Variants in SPOCK1 observed in about 807,000 individuals in gnomAD.
The protein encoded by SPOCK1 is SPARC (osteonectin), cwcv and kazal like domains proteoglycan 1.
SPOCK1 carries 23 observed loss-of-function variants against 55.3 expected under a neutral mutation model. That is an observed-to-expected ratio of 0.42 (90% CI 0.30 to 0.59). SPOCK1 has a LOEUF of 0.59. Among genes scored for constraint, SPOCK1 ranks in the 20% least tolerant of loss-of-function variants. The probability of loss-of-function intolerance (pLI) is 0.22; values close to 1 mark genes in which losing one functional copy is unlikely to be tolerated. For synonymous variants in SPOCK1, 226 were observed against 221.0 expected, an observed-to-expected ratio of 1.02 and a Z score of -0.20; for missense variants, 499 against 552.5, an observed-to-expected ratio of 0.90 and a Z score of 0.97.
chr5:137,458,003 G>A (rs1228450079), intron 2 of SPOCK1, among the ~76,000 whole-genome samples: 2 of 152,190 alleles, frequency 1.3e-5, no homozygotes, highest in African/African-American at 4.8e-5. Flanking sequence ...GGGACTTAAA[G>A]GAATGTTGAG....
At chr5:137,326,423 C>G (rs1758078444) in intron 2 of SPOCK1, among the ~76,000 whole-genome samples, 1 of 152,214 alleles carries the variant, frequency 6.6e-6, no homozygotes, top group Non-Finnish European at 1.5e-5. Flanking sequence ...GCTCCCTAGT[C>G]CAGGGGCACA....
intron 2 of SPOCK1, among the ~76,000 whole-genome samples, chr5:137,321,950 C>G (rs1407093010): frequency 6.6e-6 from 1 of 151,976 alleles, no homozygotes; most frequent in Non-Finnish European, 1.5e-5. Context: ...AAATTAAAGG[C>G]TTTCCTAGAT....
intron 2 of SPOCK1, among the ~76,000 whole-genome samples, chr5:137,442,208 T>C (rs368424938): frequency 2.6e-4 from 40 of 152,280 alleles, no homozygotes; most frequent in African/African-American, 9.4e-4. Flanking sequence ...TTTGGGTCAT[T>C]CAACCAGTTA....
chr5:137,108,354 A>T (rs977625360), intron 5 of SPOCK1, among the ~76,000 whole-genome samples: 1 of 152,232 alleles, frequency 6.6e-6, no homozygotes, highest in African/African-American at 2.4e-5. Flanking sequence ...CTTCAGATTA[A>T]GTAATATTTG....
intron 6 of SPOCK1, among the ~76,000 whole-genome samples, chr5:137,025,348 C>T (rs1751655567): frequency 6.6e-6 from 1 of 151,990 alleles, no homozygotes; most frequent in Admixed American, 6.5e-5. Flanking sequence ...TGAGATAAGT[C>T]CTGGAAATGG....
intron 3 of SPOCK1, among the ~76,000 whole-genome samples, chr5:137,234,947 G>C (rs1312174416): frequency 6.6e-6 from 1 of 152,166 alleles, no homozygotes; most frequent in Admixed American, 6.5e-5. Context: ...AAGGGTTTTT[G>C]CCTAAATATT....
At chr5:136,983,690 A>T (rs1750781431) in intron 9 of SPOCK1, among the ~76,000 whole-genome samples, 1 of 152,120 alleles carries the variant, frequency 6.6e-6, no homozygotes, top group Admixed American at 6.5e-5. Flanking sequence ...ACTACAATGC[A>T]ATAATTATAG....
chr5:137,095,665 C>G (rs1450837477), intron 5 of SPOCK1, among the ~76,000 whole-genome samples: 1 of 152,216 alleles, frequency 6.6e-6, no homozygotes, highest in Non-Finnish European at 1.5e-5. Flanking sequence ...GCTCCTATGA[C>G]AGCCAGGCTG....
chr5:137,101,811 G>A (rs1753269767), intron 5 of SPOCK1, among the ~76,000 whole-genome samples: 1 of 152,200 alleles, frequency 6.6e-6, no homozygotes, highest in African/African-American at 2.4e-5. Flanking sequence ...ACTAAGGACA[G>A]ATGTGTCCCA....
intron 4 of SPOCK1, among the ~76,000 whole-genome samples, chr5:137,121,286 C>T (rs950554232): frequency 9.2e-5 from 14 of 151,988 alleles, no homozygotes; most frequent in Non-Finnish European, 1.9e-4. Context: ...ACTGTTTTTG[C>T]TCTTATTCTT....
At chr5:137,305,633 T>C (rs542029431) in intron 2 of SPOCK1, among the ~76,000 whole-genome samples, 1 of 152,328 alleles carries the variant, frequency 6.6e-6, no homozygotes, top group East Asian at 1.9e-4. Context: ...TCCTCACAGC[T>C]TAACGGCCAT....
At chr5:137,102,657 A>T (rs1278777952) in intron 5 of SPOCK1, among the ~76,000 whole-genome samples, 1 of 152,188 alleles carries the variant, frequency 6.6e-6, no homozygotes, top group East Asian at 1.9e-4. Flanking sequence ...GGAAGTAAAA[A>T]TTGCAGCTCT....
At chr5:137,204,591 A>G (rs1755487063) in intron 3 of SPOCK1, among the ~76,000 whole-genome samples, 1 of 151,202 alleles carries the variant, frequency 6.6e-6, no homozygotes, top group Non-Finnish European at 1.5e-5. Flanking sequence ...TCTAAAACAT[A>G]CTCCCAAGAC....
At chr5:137,405,431 T>C (rs192048435) in intron 2 of SPOCK1, among the ~76,000 whole-genome samples, 108 of 152,328 alleles carry the variant, frequency 7.1e-4, no homozygotes, top group Admixed American at 1.2e-3. Flanking sequence ...TAAAGCTGGC[T>C]GCCCGTTTCT....
At chr5:137,272,790 T>A (rs1297649403) in intron 2 of SPOCK1, among the ~76,000 whole-genome samples, 4 of 128,274 alleles carry the variant, frequency 3.1e-5, no homozygotes, top group African/African-American at 1.2e-4. Flanking sequence ...CAGGGATGGG[T>A]CTTACTCACC....
Position 137,202,199 on chromosome 5 carries a change from C to A in SPOCK1, c.233-61505G>T, listed in dbSNP as rs561777964. ...GACTCATGTAGCTGTAGCAAATCCT[C>A]ACCACTTCCAATCCCAACACAGGAA... On this transcript the variant is annotated intron_variant, in intron 3 of 10. Transcript: ENST00000394945. Among the ~76,000 whole-genome samples the A allele has an allele frequency of 2.6e-5, 4 of 152,312 alleles. No homozygotes were observed. The East Asian group carries it at 7.7e-4, about 29-fold the overall frequency.
Position 137,019,619 on chromosome 5 carries a change from C to T in SPOCK1, c.590-27019G>A, listed in dbSNP as rs192258433. On this transcript the variant is annotated intron_variant, in intron 6 of 10. Transcript: ENST00000394945. ...ATCTTTTCTGAATTTTCAATGATTG[C>T]TATTTGCCAAGATTTTACTTAGAAT... Among the ~76,000 whole-genome samples the T allele has an allele frequency of 5.1e-3, 768 of 152,034 alleles. 5 individuals are homozygous for T. The highest frequency in any genetic ancestry group is 0.01 in the Admixed American group (156 of 15,260).
intron 6 of SPOCK1, among the ~76,000 whole-genome samples, chr5:136,997,894 C>T (rs1300911864): frequency 6.6e-6 from 1 of 152,180 alleles, no homozygotes; most frequent in Non-Finnish European, 1.5e-5. Context: ...CACTGGGGAC[C>T]CAGCATCTAA....
At chr5:137,018,343 G>A (rs1751491519) in intron 6 of SPOCK1, among the ~76,000 whole-genome samples, 1 of 152,298 alleles carries the variant, frequency 6.6e-6, no homozygotes, top group South Asian at 2.1e-4. Flanking sequence ...TAAACCTCAG[G>A]ACTCTGGTCA....
Sources: allele counts gnomAD v4.1 joint callset (sites outside exome capture counted in the v4.1 genomes callset), GRCh38; gene constraint gnomAD v4.1.1; transcripts MANE v1.5; gene names NCBI Gene and HGNC (gene_info 2026-07-23, HGNC 2026-07-21).